The following RASGEF1C variants were observed in gnomAD, a reference collection of about 807,000 sequenced individuals.
RASGEF1C encodes ras-GEF domain-containing family member 1C.
Under a neutral mutation model 58.1 loss-of-function variants are expected in RASGEF1C, and 27 were observed. The ratio of observed to expected loss-of-function variants is 0.46; its 90% CI spans 0.34 to 0.64. RASGEF1C has a LOEUF of 0.64. Among genes scored for constraint, RASGEF1C ranks in the 30% least tolerant of loss-of-function variants. The probability of loss-of-function intolerance (pLI) is 0.01; values close to 1 mark genes in which losing one functional copy is unlikely to be tolerated. For missense variants in RASGEF1C, 502 were observed against 605.1 expected, an observed-to-expected ratio of 0.83 and a Z score of 1.79; for synonymous variants, 243 against 246.3, an observed-to-expected ratio of 0.99 and a Z score of 0.13.
In RASGEF1C at chr5:180,209,104, G is replaced by A. The variant is rs1333667088; in HGVS notation, c.-83C>T. ...GCGAGCCTCGGCGCCGCGGACCGGG[G>A]CGCCGCCCGCCGCCGCCGCCGCCGC... On this transcript the variant is annotated 5_prime_UTR_variant, in exon 1 of 14. Transcript: ENST00000361132. 18 of 137,808 alleles carry A rather than the reference G, an allele frequency of 1.3e-4. 1 individual carries two copies. The highest frequency in any genetic ancestry group is 4.2e-4 in the African/African-American group (15 of 35,830). The allele number at this position is 137,808 out of a possible 1,614,324, so 8.5% of individuals were successfully genotyped here. A position where few individuals can be genotyped will look rare whatever the true frequency, so the allele number is the denominator to read the frequency against.
At chr5:180,182,452 G>A (rs1053200043) in intron 1 of RASGEF1C, among the ~76,000 whole-genome samples, 1 of 152,154 alleles carries the variant, frequency 6.6e-6, no homozygotes, top group African/African-American at 2.4e-5. Flanking sequence ...TCCACAGCTG[G>A]AAGAGAACCC....
chr5:180,121,318 ATTT>A (rs34192976), intron 6 of RASGEF1C, among the ~76,000 whole-genome samples, 169 bp from the exon 7 acceptor site: 2 of 147,826 alleles, frequency 1.4e-5, no homozygotes, highest in East Asian at 3.9e-4. Context: ...TTAAAAGTAC[ATTT>A]TTTTTTTTTT....
At position 180,194,051 on chromosome 5, in the gene RASGEF1C, AAAG is replaced by A. The variant is rs534069862; in HGVS notation, c.-7+14974_-7+14976del. 9.8e-4 allele frequency among the ~76,000 whole-genome samples: 149 copies of A among 152,040 alleles called. 3 individuals carry two copies. Among genetic ancestry groups the A allele is most frequent in the Admixed American group, 1.5e-3 (23 of 15,270 alleles). On this transcript the variant is annotated intron_variant, in intron 1 of 13. Coordinates refer to ENST00000361132, the MANE Select transcript of RASGEF1C (RefSeq NM_175062.4). ...TGTATGAAAAGGTTGAAAAAAAAAA[AAAG>A]AGATTCTTTCTCCCTGAAAGTCCAC...
intron 1 of RASGEF1C, among the ~76,000 whole-genome samples, chr5:180,138,832 G>A (rs557896160): frequency 6.6e-6 from 1 of 152,208 alleles, no homozygotes; most frequent in Admixed American, 6.5e-5. Context: ...CACTGCACAT[G>A]CCGTTCCCTC....
At chr5:180,133,563 G>T (rs1170829577) in intron 4 of RASGEF1C, among the ~76,000 whole-genome samples, 1 of 151,976 alleles carries the variant, frequency 6.6e-6, no homozygotes, top group Admixed American at 6.5e-5. Context: ...CTTGCACACA[G>T]CACTTTCTAT....
intron 1 of RASGEF1C, among the ~76,000 whole-genome samples, chr5:180,202,796 G>A (rs533614633): frequency 2.6e-5 from 4 of 151,074 alleles, no homozygotes; most frequent in African/African-American, 9.7e-5. Context: ...TCCGCCTCCC[G>A]GGTTCACGCC....
intron 1 of RASGEF1C, among the ~76,000 whole-genome samples, chr5:180,208,522 C>A (rs6879640): frequency 0.33 from 49,982 of 152,016 alleles, 8,578 homozygotes; most frequent in Non-Finnish European, 0.4. Flanking sequence ...ACTGTTCTCG[C>A]AGGCCCTCTG....
chr5:180,177,812 T>C lies in RASGEF1C; in HGVS notation c.-7+31216A>G, dbSNP rs1429919445. ...ATTTGAACTGTCTGAGCAGAGCCTC[T>C]CTCTCTGCTCAGGGCAAGGTAAGGA... is the stretch of plus-strand genomic sequence containing the variant. On this transcript the variant is annotated intron_variant, in intron 1 of 13. Coordinates refer to ENST00000361132, the MANE Select transcript of RASGEF1C (RefSeq NM_175062.4). The surrounding 1 kb of genome is among the most constrained non-coding windows in gnomAD (Gnocchi z 5.0). 1.3e-5 allele frequency among the ~76,000 whole-genome samples: 2 copies of C among 152,116 alleles called. No homozygotes were observed. Among genetic ancestry groups the C allele is most frequent in the Non-Finnish European group, 2.9e-5 (2 of 68,006 alleles).
chr5:180,113,268 G>A (rs117734323), intron 11 of RASGEF1C, among the ~76,000 whole-genome samples: 1 of 43,026 alleles, frequency 2.3e-5, no homozygotes, highest in Non-Finnish European at 4.7e-5. Flanking sequence ...CGGAGGGACC[G>A]AGGATGGACG....
At chr5:180,113,059 C>T (rs112722244) in intron 11 of RASGEF1C, among the ~76,000 whole-genome samples, 1 of 30,088 alleles carries the variant, frequency 3.3e-5, no homozygotes, top group Non-Finnish European at 7.5e-5. Flanking sequence ...CGGAGGGATC[C>T]GGGCTGGACG....
rs1013519486 is a variant in RASGEF1C, at chr5:180,118,972, G to A, written c.908-106C>T. 3.3e-5 allele frequency: 34 copies of A among 1,035,544 alleles called. No individual in the cohort carries two copies. In the African/African-American group the frequency reaches 3.5e-4, roughly 11 times the overall value. 64.1% of individuals were successfully genotyped at this position (1,035,544 alleles called of 1,614,324 possible). ...CCTGACCAGGGCTGAGGTCTGCAGG[G>A]CTCAGCCTGTCACATGGTGGGTGGG... On this transcript the variant is annotated intron_variant, in intron 8 of 13. Coordinates refer to ENST00000361132, the MANE Select transcript of RASGEF1C (RefSeq NM_175062.4).
chr5:180,126,066 A>C (rs1211833691), intron 6 of RASGEF1C, among the ~76,000 whole-genome samples: 1 of 151,494 alleles, frequency 6.6e-6, no homozygotes, highest in Non-Finnish European at 1.5e-5. Flanking sequence ...TGTATTTCAC[A>C]ATAAAAAAGT....
intron 1 of RASGEF1C, among the ~76,000 whole-genome samples, chr5:180,163,280 C>A (rs1290753444): frequency 8.4e-6 from 1 of 119,254 alleles, no homozygotes; most frequent in Non-Finnish European, 1.7e-5. Context: ...CTAGGACTTC[C>A]AGTAGGATAC....
intron 1 of RASGEF1C, among the ~76,000 whole-genome samples, chr5:180,204,670 T>C (rs891133474): frequency 6.6e-6 from 1 of 151,280 alleles, no homozygotes; most frequent in African/African-American, 2.4e-5. Context: ...CATCTATCTA[T>C]CTCTTCCCAT....
rs557071842 is a variant in RASGEF1C, at chr5:180,181,559, G to GT, written c.-7+27468dup. On this transcript the variant is annotated intron_variant, in intron 1 of 13. Transcript: ENST00000361132. ...CGTGGGCACACAGGAAGAGCACCAT[G>GT]TGACACTGAGGGCAGAGACTGGAGT... Among the ~76,000 whole-genome samples the GT allele has an allele frequency of 1.9e-3, 283 of 152,314 alleles. 1 individual carries two copies. The highest frequency in any genetic ancestry group is 6.3e-3 in the African/African-American group (261 of 41,576).
At chr5:180,122,677 G>C (rs1252284980) in intron 6 of RASGEF1C, among the ~76,000 whole-genome samples, 2 of 149,004 alleles carry the variant, frequency 1.3e-5, no homozygotes, top group Non-Finnish European at 1.5e-5. Flanking sequence ...GGAGGCAGAG[G>C]TTGCAGTGAG....
At position 180,183,157 on chromosome 5, in the gene RASGEF1C, G is replaced by A. The variant is rs11744383; in HGVS notation, c.-7+25871C>T. On this transcript the variant is annotated intron_variant, in intron 1 of 13. Transcript: ENST00000361132. Reference sequence around the variant, plus strand: ...CATCAGAGACTCTCCTGATGGTCTTGAAGAAGCAAGCCACCATGCAGTCTA... The same window carrying A: ...CATCAGAGACTCTCCTGATGGTCTTAAAGAAGCAAGCCACCATGCAGTCTA... Among the ~76,000 whole-genome samples, 4 of 152,112 alleles carry A rather than the reference G, an allele frequency of 2.6e-5. No homozygotes were observed. In the East Asian group the frequency reaches 7.7e-4, roughly 29 times the overall value.
intron 12 of RASGEF1C, among the ~76,000 whole-genome samples, 179 bp from the exon 13 acceptor site, chr5:180,102,322 G>T (rs1765801570): frequency 6.6e-6 from 1 of 151,742 alleles, no homozygotes; most frequent in African/African-American, 2.4e-5. Flanking sequence ...ACATTTGCGT[G>T]AGGGCTTTTG....
intron 1 of RASGEF1C, among the ~76,000 whole-genome samples, chr5:180,205,844 T>C (rs1756477737): frequency 6.6e-6 from 1 of 152,074 alleles, no homozygotes; most frequent in South Asian, 2.1e-4. Context: ...GCGATTCTCA[T>C]GCCTCAGCCT....
Sources: allele counts gnomAD v4.1 joint callset (sites outside exome capture counted in the v4.1 genomes callset), GRCh38; gene constraint gnomAD v4.1.1; non-coding constraint Gnocchi (gnomAD v3.1); transcripts MANE v1.5; gene names NCBI Gene and HGNC (gene_info 2026-07-23, HGNC 2026-07-21).